Variants in ACCSL observed in about 807,000 individuals in gnomAD.
The protein encoded by ACCSL is 1-aminocyclopropane-1-carboxylate synthase homolog (inactive) like.
Under a neutral mutation model 61.7 loss-of-function variants are expected in ACCSL, and 55 were observed. The observed-to-expected ratio is 0.89, with a 90% CI of 0.72 to 1.12. The LOEUF is 1.12. ACCSL is among the 50% of genes most tolerant of loss of function. The probability of loss-of-function intolerance (pLI) is 0.00; values close to 1 mark genes in which losing one functional copy is unlikely to be tolerated. For missense variants in ACCSL, 632 were observed against 698.0 expected (o/e 0.91, Z 1.07); for synonymous variants, 258 against 264.3 (o/e 0.98, Z 0.23).
the ACCSL span, chr11:43,945,120 G>A: frequency 1.3e-5 from 2 of 152,290 alleles, no homozygotes; most frequent in Non-Finnish European, 2.9e-5. Flanking sequence ...CTATGGCCTT[G>A]GTGGCTGTAG....
At chr11:44,007,312 G>A in the ACCSL span, among the ~76,000 whole-genome samples, 8 of 152,206 alleles carry the variant, frequency 5.3e-5, no homozygotes, top group East Asian at 1.9e-4. Context: ...CCCCAGCTTC[G>A]GGCCCCCTTC....
chr11:44,050,649 C>T, intron 3 of ACCSL, 27 bp downstream of exon 3: 1 of 1,607,588 alleles, frequency 6.2e-7, no homozygotes, highest in South Asian at 1.1e-5. Context: ...TTTAGAGTCT[C>T]TTGGTCCCAC....
the ACCSL span, among the ~76,000 whole-genome samples, chr11:43,986,136 C>CCAT: frequency 6.6e-6 from 1 of 151,984 alleles, no homozygotes; most frequent in Non-Finnish European, 1.5e-5. Flanking sequence ...TCTCTCACAG[C>CCAT]CATCAATTCC....
the ACCSL span, among the ~76,000 whole-genome samples, chr11:44,026,656 C>A: frequency 6.6e-6 from 1 of 152,096 alleles, no homozygotes; most frequent in Non-Finnish European, 1.5e-5. Context: ...AATGTGGCAA[C>A]TCTGAAAATC....
chr11:43,989,806 TG>T, the ACCSL span, among the ~76,000 whole-genome samples: 1 of 152,334 alleles, frequency 6.6e-6, no homozygotes, highest in East Asian at 1.9e-4. Flanking sequence ...CTGCAGGGGT[TG>T]GGGGTGGAGT....
In ACCSL at chr11:44,059,838, C is replaced by A; in HGVS notation, c.1625C>A (p.Ala542Asp). 6.2e-7 allele frequency: 1 copy of A among 1,613,240 alleles called. No individual in the cohort carries two copies. Among genetic ancestry groups the A allele is most frequent in the Non-Finnish European group, 8.5e-7 (1 of 1,179,422 alleles). The change falls in exon 14 of 14, where the codon GCT (alanine) becomes GAT (aspartate). Residue 542 changes from alanine to aspartate, a missense_variant and splice_region_variant. By Grantham distance (126) the Ala-to-Asp change is moderately radical. Transcript: ENST00000378832. ...FADELPRLKL[A>D]MRRFCDVLQE... The stretch of plus-strand genomic sequence containing the variant: ...CTCTGTCCCCATTTGAACCCTCTAG[C>A]TATGCGTCGGTTCTGTGATGTGCTG...
At chr11:43,930,566 G>A in the ACCSL span, among the ~76,000 whole-genome samples, 1 of 152,070 alleles carries the variant, frequency 6.6e-6, no homozygotes, top group African/African-American at 2.4e-5. Flanking sequence ...TGTGATATAT[G>A]CCTGATCCTG....
At chr11:44,012,578 T>G in the ACCSL span, among the ~76,000 whole-genome samples, 2 of 152,206 alleles carry the variant, frequency 1.3e-5, no homozygotes, top group East Asian at 3.8e-4. Flanking sequence ...TGAGCCACTG[T>G]ACCCAGCCTT....
chr11:43,960,984 A>AT, the ACCSL span, among the ~76,000 whole-genome samples: 14 of 151,250 alleles, frequency 9.3e-5, no homozygotes, highest in East Asian at 5.9e-4. Context: ...ACACTTGGTG[A>AT]TTTTTTTTGT....
At chr11:44,020,833 A>C in the ACCSL span, among the ~76,000 whole-genome samples, 1 of 151,582 alleles carries the variant, frequency 6.6e-6, no homozygotes, top group African/African-American at 2.4e-5. Flanking sequence ...TTATGCCTTC[A>C]TGTCCTCATA....
At chr11:43,982,670 G>A in the ACCSL span, among the ~76,000 whole-genome samples, 1 of 152,176 alleles carries the variant, frequency 6.6e-6, no homozygotes, top group Non-Finnish European at 1.5e-5. Flanking sequence ...GCTCACAGGA[G>A]CTGGACTCTC....
intron 11 of ACCSL, 48 bp downstream of exon 11, chr11:44,056,374 A>T (rs1952671844): frequency 6.3e-7 from 1 of 1,581,342 alleles, no homozygotes; most frequent in Non-Finnish European, 8.6e-7. Flanking sequence ...CCTCATGGCC[A>T]TGGGGAATTC....
chr11:44,048,076 C>T lies in ACCSL; in HGVS notation c.40C>T (p.Gln14Ter), dbSNP rs1952610722. 2 of 1,614,068 alleles carry T rather than the reference C, an allele frequency of 1.2e-6. No homozygotes were observed. The highest frequency in any genetic ancestry group is 1.7e-6 in the Non-Finnish European group (2 of 1,179,964). Residue 14 changes from glutamine (Q) to a stop codon, truncating the protein, a stop_gained, in exon 1 of 14, where the codon CAG becomes TAG. Coordinates refer to ENST00000378832, the MANE Select transcript of ACCSL (RefSeq NM_001031854.2). LOFTEE classifies it high-confidence loss of function. ...AGACACCCTTCCTGTGCCCTCTGGT[C>T]AGAGGAGAGGCCGGGTCCCCAGAGA... ...RSDTLPVPSG[Q>*]RRGRVPRDHS...
At chr11:43,949,147 C>T in the ACCSL span, among the ~76,000 whole-genome samples, 6 of 152,314 alleles carry the variant, frequency 3.9e-5, no homozygotes, top group East Asian at 9.7e-4. Context: ...CTTTTCAGAT[C>T]CTCGCACATT....
the ACCSL span, among the ~76,000 whole-genome samples, chr11:44,026,298 A>G: frequency 2.0e-5 from 3 of 151,810 alleles, no homozygotes; most frequent in Non-Finnish European, 2.9e-5. Flanking sequence ...TATCTGTTCA[A>G]TTCTACTGTT....
the ACCSL span, among the ~76,000 whole-genome samples, chr11:43,986,759 A>G: frequency 1.3e-5 from 2 of 152,178 alleles, no homozygotes; most frequent in African/African-American, 4.8e-5. Flanking sequence ...GAGTTTGTCA[A>G]CTGGGATAAT....
the ACCSL span, chr11:43,926,594 G>A: frequency 2.6e-6 from 1 of 379,936 alleles, no homozygotes; most frequent in Non-Finnish European, 5.2e-6. Context: ...ATTACAGATA[G>A]AAGTAAACCC....
chr11:43,987,458 CAG>C, the ACCSL span, among the ~76,000 whole-genome samples: 4 of 152,222 alleles, frequency 2.6e-5, no homozygotes, highest in South Asian at 8.3e-4. Context: ...GTGGCTGACT[CAG>C]AGCCTAGGGA....
At chr11:43,939,936 A>G in the ACCSL span, among the ~76,000 whole-genome samples, 20 of 151,710 alleles carry the variant, frequency 1.3e-4, no homozygotes, top group African/African-American at 4.8e-4. Flanking sequence ...TCCCTGACCC[A>G]CAGCTCCCAT....
Sources: gnomAD v4.1 joint callset for allele counts (sites outside exome capture counted in the v4.1 genomes callset) on GRCh38, gnomAD v4.1.1 for gene constraint, MANE v1.5 for transcripts, NCBI Gene and HGNC (gene_info 2026-07-23, HGNC 2026-07-21) for gene names.